The following AK7 variants were observed in gnomAD, a reference collection of about 807,000 sequenced individuals.
AK7 encodes the protein ATP-AMP transphosphorylase 7.
In AK7, 78 loss-of-function variants were observed where a neutral mutation model predicts 96.6. The observed-to-expected ratio is 0.81, with a 90% confidence interval of 0.67 to 0.97. AK7 has a LOEUF of 0.97. Among genes scored for constraint, AK7 ranks in the 50% least tolerant of loss-of-function variants. The pLI, the probability that AK7 is intolerant of heterozygous loss-of-function variation, is 0.00. For missense variants in AK7, 855 were observed against 887.9 expected (o/e 0.96, Z 0.47); for synonymous variants, 302 against 317.2 (o/e 0.95, Z 0.51).
chr14:96,454,116 T>C (rs1440130294), intron 10 of AK7, among the ~76,000 whole-genome samples: 1 of 152,228 alleles, frequency 6.6e-6, no homozygotes, highest in Non-Finnish European at 1.5e-5. Context: ...AGAACCATCC[T>C]GTGTGCTGCC....
intron 3 of AK7, among the ~76,000 whole-genome samples, chr14:96,408,122 G>A (rs977078208): frequency 2.0e-5 from 3 of 152,216 alleles, no homozygotes; most frequent in African/African-American, 7.2e-5. Flanking sequence ...AGCCCCAGGG[G>A]TGGAGTGGGA....
intron 5 of AK7, chr14:96,423,777 CG>C: frequency 2.7e-6 from 2 of 737,586 alleles, no homozygotes; most frequent in Non-Finnish European, 5.1e-6. Flanking sequence ...ACCGGGACCC[CG>C]AGCGCGTACT....
chr14:96,394,689 A>G (rs941172281), intron 1 of AK7, among the ~76,000 whole-genome samples: 4 of 152,194 alleles, frequency 2.6e-5, no homozygotes, highest in Non-Finnish European at 4.4e-5. Context: ...AAAGATACAG[A>G]TACAGGCTGG....
At chr14:96,440,080 G>A (rs12435540) in intron 6 of AK7, among the ~76,000 whole-genome samples, 131,798 of 152,148 alleles carry the variant, frequency 0.87, 57,438 homozygotes, top group African/African-American at 0.96. Flanking sequence ...GGTTCAAGCA[G>A]TTCTCCTGCC....
chr14:96,429,862 G>A (rs1439495685), intron 5 of AK7, among the ~76,000 whole-genome samples: 7 of 152,180 alleles, frequency 4.6e-5, no homozygotes, highest in Non-Finnish European at 1.0e-4. Context: ...GAGATTTTGG[G>A]CTGAGACAAT....
chr14:96,463,344 C>T (rs576021623), intron 12 of AK7, among the ~76,000 whole-genome samples: 19 of 152,216 alleles, frequency 1.2e-4, no homozygotes, highest in African/African-American at 4.6e-4. Context: ...CATGGCTTGA[C>T]CACTTGCTTA....
intron 6 of AK7, among the ~76,000 whole-genome samples, chr14:96,438,443 G>C (rs949022481): frequency 1.3e-5 from 2 of 152,212 alleles, no homozygotes; most frequent in African/African-American, 2.4e-5. Context: ...TGAGTAGGAA[G>C]GGAAAGGCAA....
In AK7 at chr14:96,451,578, T is replaced by C; in HGVS notation, c.1098+8T>C. On this transcript the variant is annotated splice_region_variant and intron_variant, in intron 10 of 17. Transcript: ENST00000267584. ...CAAAGCAGAGGATTGATGGTAACTA[T>C]CACTGTTTCCCACTGAAACTTCTGA... 1 of 1,464,746 alleles carries C rather than the reference T, an allele frequency of 6.8e-7. No individual in the cohort carries two copies. The allele number at this position is 1,464,746 out of a possible 1,614,324, so 90.7% of individuals were successfully genotyped here. A position where few individuals can be genotyped will look rare whatever the true frequency, so the allele number is the denominator to read the frequency against.
intron 2 of AK7, among the ~76,000 whole-genome samples, chr14:96,401,256 G>C (rs1023544286): frequency 2.0e-5 from 3 of 152,166 alleles, no homozygotes; most frequent in African/African-American, 7.2e-5. Flanking sequence ...ATCACCCAAG[G>C]CTCTCTGAAA....
intron 3 of AK7, 29 bp from the exon 4 acceptor site, chr14:96,408,818 A>G (rs1890871374): frequency 6.2e-7 from 1 of 1,612,130 alleles, no homozygotes; most frequent in Non-Finnish European, 8.5e-7. Context: ...CATGGGTCCA[A>G]ATAACCACTC....
At chr14:96,425,189 T>C (rs1007199959) in intron 5 of AK7, among the ~76,000 whole-genome samples, 1 of 152,168 alleles carries the variant, frequency 6.6e-6, no homozygotes, top group Non-Finnish European at 1.5e-5. Context: ...ATTTAACTAA[T>C]GTCCAGTTAG....
chr14:96,409,643 T>C (rs775252073), intron 4 of AK7, among the ~76,000 whole-genome samples: 2 of 152,236 alleles, frequency 1.3e-5, no homozygotes, highest in Admixed American at 6.5e-5. Context: ...AACTTCCTAA[T>C]ATTCAGAGTC....
At chr14:96,447,391 T>G (rs1309086375) in intron 8 of AK7, among the ~76,000 whole-genome samples, 3 of 152,228 alleles carry the variant, frequency 2.0e-5, no homozygotes, top group Non-Finnish European at 4.4e-5. Context: ...CATAGCTCAC[T>G]GCACCCTTGA....
chr14:96,404,238 A>G (rs1335594119), intron 2 of AK7, among the ~76,000 whole-genome samples: 1 of 152,014 alleles, frequency 6.6e-6, no homozygotes, highest in African/African-American at 2.4e-5. Flanking sequence ...TACATTTTTA[A>G]TCATTAAAAG....
At chr14:96,469,943 G>A (rs1021295605) in intron 12 of AK7, among the ~76,000 whole-genome samples, 11 of 152,040 alleles carry the variant, frequency 7.2e-5, no homozygotes, top group African/African-American at 1.7e-4. Context: ...TTAGCCTCTC[G>A]AGTAGCTGGG....
rs1461566224 is a variant in AK7 at position 96,432,991 on chromosome 14, A to G, written c.610-4844A>G. Among the ~76,000 whole-genome samples the G allele has an allele frequency of 4.6e-5, 7 of 152,250 alleles. No individual in the cohort carries two copies. In the East Asian group the frequency reaches 7.7e-4, roughly 17 times the overall value. On this transcript the variant is annotated intron_variant, in intron 5 of 17. Coordinates refer to ENST00000267584, the MANE Select transcript of AK7 (RefSeq NM_152327.5). The stretch of plus-strand genomic sequence containing the variant: ...TCTGGGCGACAGAATGATGTTGAAT[A>G]TTGGCCCCCACTCTCTTCTGCCTTG...
rs969641511 is a variant in AK7 at position 96,454,834 on chromosome 14, C to T, written c.1099-1513C>T. 2.0e-5 allele frequency among the ~76,000 whole-genome samples: 3 copies of T among 151,906 alleles called. No individual in the cohort carries two copies. In the East Asian group the frequency reaches 5.8e-4, roughly 29 times the overall value. ...CTGCTGGGATTACAGGCATGAGCCA[C>T]GATGCCTGGCCTAAAAATTAGAATA... On this transcript the variant is annotated intron_variant, in intron 10 of 17. Coordinates refer to ENST00000267584, the MANE Select transcript of AK7 (RefSeq NM_152327.5).
intron 5 of AK7, among the ~76,000 whole-genome samples, chr14:96,435,865 C>T (rs1330859806): frequency 1.3e-5 from 2 of 152,160 alleles, no homozygotes; most frequent in Non-Finnish European, 2.9e-5. Context: ...TGTTCTCCCT[C>T]CTGCAGCACC....
chr14:96,474,196 G>A (rs771445891), intron 14 of AK7, among the ~76,000 whole-genome samples: 1 of 152,148 alleles, frequency 6.6e-6, no homozygotes, highest in Non-Finnish European at 1.5e-5. Context: ...TCAAGTCCCC[G>A]AGGAAGGCAG....
Sources: gnomAD v4.1 joint callset for allele counts (sites outside exome capture counted in the v4.1 genomes callset) on GRCh38, gnomAD v4.1.1 for gene constraint, MANE v1.5 for transcripts, NCBI Gene and HGNC (gene_info 2026-07-23, HGNC 2026-07-21) for gene names.